The following PDE1C variants were observed in gnomAD, a reference collection of about 807,000 sequenced individuals.
The protein encoded by PDE1C is phosphodiesterase 1C.
A neutral mutation model predicts 93.1 loss-of-function variants in PDE1C; 62 were observed. The observed-to-expected ratio is 0.67, with a 90% CI of 0.54 to 0.82. The LOEUF is 0.82. Ranked by LOEUF, PDE1C falls within the 40% of genes least tolerant of loss-of-function variation. PDE1C has a pLI of 0.00. For missense variants in PDE1C, 742 were observed against 884.6 expected (o/e 0.84, Z 2.04); for synonymous variants, 325 against 310.1 (o/e 1.05, Z -0.50).
At chr7:32,265,872 G>C (rs1355064831) in intron 1 of PDE1C, among the ~76,000 whole-genome samples, 1 of 152,158 alleles carries the variant, frequency 6.6e-6, no homozygotes, top group African/African-American at 2.4e-5. Flanking sequence ...GTGGTATTTG[G>C]ACAAGCTCCT....
At chr7:32,263,031 G>A (rs1478566608) in intron 1 of PDE1C, among the ~76,000 whole-genome samples, 1 of 152,150 alleles carries the variant, frequency 6.6e-6, no homozygotes, top group Non-Finnish European at 1.5e-5. Context: ...CCAGAGTCCA[G>A]TTTCCTCCTT....
At chr7:32,413,166 G>A (rs1265849545) in intron 1 of PDE1C, among the ~76,000 whole-genome samples, 1 of 152,064 alleles carries the variant, frequency 6.6e-6, no homozygotes, top group Non-Finnish European at 1.5e-5. Flanking sequence ...TATGCTTGTG[G>A]GCTTACGTAG....
Position 32,420,160 on chromosome 7 carries a change from T to C in PDE1C, c.310+7662A>G, listed in dbSNP as rs866664345. Among the ~76,000 whole-genome samples, 312 of 41,820 alleles carry C rather than the reference T, an allele frequency of 7.5e-3. 47 individuals carry two copies. Among genetic ancestry groups the C allele is most frequent in the African/African-American group, 0.026 (276 of 10,772 alleles). 27.4% of individuals were successfully genotyped at this position (41,820 alleles called of 152,430 possible). ...ACACACACACACACACACACACACA[T>C]ATATATGTGTATATATATACACATA... On this transcript the variant is annotated intron_variant, in intron 1 of 1. Coordinates refer to the PDE1C transcript ENST00000672256.
intron 16 of PDE1C, chr7:31,784,639 A>G (rs1302513062): frequency 1.3e-5 from 2 of 152,160 alleles, no homozygotes; most frequent in Non-Finnish European, 2.9e-5. Context: ...AACATAAAGG[A>G]GAGTTTGAAA....
At chr7:32,158,531 T>A (rs941727050) in intron 3 of PDE1C, among the ~76,000 whole-genome samples, 1 of 152,182 alleles carries the variant, frequency 6.6e-6, no homozygotes, top group African/African-American at 2.4e-5. Context: ...ATTTAAAAAA[T>A]GGTCTTTGTT....
At chr7:31,762,564 T>C (rs1199788861) in intron 17 of PDE1C, among the ~76,000 whole-genome samples, 1 of 152,158 alleles carries the variant, frequency 6.6e-6, no homozygotes, top group Admixed American at 6.5e-5. Context: ...GGTCTCGAAC[T>C]CCTGACCTCA....
At chr7:32,151,579 C>T (rs1472689484) in intron 3 of PDE1C, among the ~76,000 whole-genome samples, 1 of 152,228 alleles carries the variant, frequency 6.6e-6, no homozygotes, top group African/African-American at 2.4e-5. Context: ...AATGATCATA[C>T]ATGCAACAAC....
chr7:31,753,286 G>A lies in PDE1C; in HGVS notation c.*98C>T. 1 of 1,400,598 alleles carries A rather than the reference G, an allele frequency of 7.1e-7. No homozygotes were observed. The highest frequency in any genetic ancestry group is 9.6e-7 in the Non-Finnish European group (1 of 1,039,474). The allele number at this position is 1,400,598 out of a possible 1,614,324, so 86.8% of individuals were successfully genotyped here. On this transcript the variant is annotated 3_prime_UTR_variant, in exon 18 of 18. Transcript: ENST00000396191. ...AACCAGGATAGTACCTGCTCCAACA[G>A]CCTCCAAGGGTCTTGGAGGTGTGTC...
chr7:32,321,313 A>G (rs1783286765), intron 1 of PDE1C, among the ~76,000 whole-genome samples: 1 of 152,246 alleles, frequency 6.6e-6, no homozygotes, highest in Non-Finnish European at 1.5e-5. Context: ...AAAAGGAAGA[A>G]CAATTTATGA....
intron 1 of PDE1C, among the ~76,000 whole-genome samples, chr7:32,265,760 G>C (rs1810526874): frequency 6.6e-6 from 1 of 152,194 alleles, no homozygotes; most frequent in African/African-American, 2.4e-5. Context: ...CAGTGTGTCA[G>C]ATTGGTAGCT....
the PDE1C span, among the ~76,000 whole-genome samples, chr7:31,699,471 T>C: frequency 1.3e-5 from 2 of 152,192 alleles, no homozygotes; most frequent in Non-Finnish European, 2.9e-5. Context: ...GAATAACTAA[T>C]TTAAGAATAA....
intron 3 of PDE1C, among the ~76,000 whole-genome samples, chr7:32,115,742 T>C (rs565641170): frequency 5.9e-5 from 9 of 152,354 alleles, no homozygotes; most frequent in Admixed American, 2.0e-4. Flanking sequence ...ATTATAAATG[T>C]AGGAGACTTC....
intron 1 of PDE1C, among the ~76,000 whole-genome samples, chr7:32,358,897 C>CTGTGTCTGTGTGTGTGTGTG (rs1784081162): frequency 6.9e-6 from 1 of 145,300 alleles, no homozygotes; most frequent in Admixed American, 7.0e-5. Flanking sequence ...GTGTGTGTGT[C>CTGTGTCTGTGTGTGTGTGTG]TGTGTGTGTG....
At chr7:32,227,619 C>G (rs1357430796) in intron 1 of PDE1C, among the ~76,000 whole-genome samples, 1 of 152,168 alleles carries the variant, frequency 6.6e-6, no homozygotes, top group Non-Finnish European at 1.5e-5. Context: ...ACATCTGCCT[C>G]TAAGATGGCT....
intron 2 of PDE1C, among the ~76,000 whole-genome samples, chr7:31,984,611 G>C (rs908740651): frequency 2.0e-5 from 3 of 152,112 alleles, no homozygotes; most frequent in African/African-American, 7.2e-5. Context: ...TTTTCACTGC[G>C]TGCACACTGG....
rs752433564 is a variant in PDE1C, at chr7:32,147,984, T to TAAAAAAAAAAAAAAAAAAAAA, written c.308+21780_308+21800dup. 1.1e-3 allele frequency among the ~76,000 whole-genome samples: 89 copies of TAAAAAAAAAAAAAAAAAAAAA among 79,712 alleles called. 7 individuals carry two copies. The highest frequency in any genetic ancestry group is 2.8e-3 in the East Asian group (4 of 1,430). The allele number at this position is 79,712 out of a possible 152,430, so 52.3% of individuals were successfully genotyped here. On this transcript the variant is annotated intron_variant, in intron 3 of 18. Transcript: ENST00000396193. ...AACTTGCCTCTCAACCCATTTATGC[T>TAAAAAAAAAAAAAAAAAAAAA]AAAAAAAAAAAAAAAAAAAAAGCCT...
chr7:32,060,201 T>G (rs1173913790), intron 1 of PDE1C, among the ~76,000 whole-genome samples: 1 of 152,214 alleles, frequency 6.6e-6, no homozygotes, highest in African/African-American at 2.4e-5. Flanking sequence ...CTTGTAGATT[T>G]AGCCAGAACA....
intron 2 of PDE1C, among the ~76,000 whole-genome samples, chr7:32,021,241 G>A (rs1234979573): frequency 6.6e-6 from 1 of 152,002 alleles, no homozygotes; most frequent in Admixed American, 6.6e-5. Context: ...CAGATGCCTT[G>A]ATGTTTCCCA....
At chr7:31,917,990 T>C (rs575292970) in intron 2 of PDE1C, among the ~76,000 whole-genome samples, 1 of 152,258 alleles carries the variant, frequency 6.6e-6, no homozygotes, top group South Asian at 2.1e-4. Context: ...TCAAAGACTG[T>C]CAAGGACATT....
Sources: gnomAD v4.1 joint callset for allele counts (sites outside exome capture counted in the v4.1 genomes callset) on GRCh38, gnomAD v4.1.1 for gene constraint, MANE v1.5 for transcripts, NCBI Gene and HGNC (gene_info 2026-07-23, HGNC 2026-07-21) for gene names.